Variants in CACNG4 observed in about 807,000 individuals in gnomAD.
CACNG4 encodes the protein calcium voltage-gated channel auxiliary subunit gamma 4, also known as voltage-dependent calcium channel gamma-4 subunit.
In CACNG4, 8 loss-of-function variants were observed where a neutral mutation model predicts 22.9. The ratio of observed to expected loss-of-function variants is 0.35; its 90% CI spans 0.21 to 0.63. The LOEUF (loss-of-function observed/expected upper bound fraction) is 0.63, where lower values mean the gene tolerates loss of function less well. Among genes scored for constraint, CACNG4 ranks in the 30% least tolerant of loss-of-function variants. CACNG4 has a pLI of 0.72. For missense variants in CACNG4, 357 were observed against 455.4 expected, an observed-to-expected ratio of 0.78 and a Z score of 1.97; for synonymous variants, 188 against 191.9, an observed-to-expected ratio of 0.98 and a Z score of 0.17.
intron 1 of CACNG4, among the ~76,000 whole-genome samples, chr17:66,971,024 C>T (rs1004952784): frequency 6.6e-6 from 1 of 152,132 alleles, no homozygotes; most frequent in Admixed American, 6.5e-5. Context: ...GTGTCAGAGG[C>T]GAGGAAGCCA....
intron 1 of CACNG4, among the ~76,000 whole-genome samples, chr17:66,988,103 G>T (rs1243047659): frequency 6.6e-6 from 1 of 151,640 alleles, no homozygotes; most frequent in East Asian, 2.0e-4. Flanking sequence ...ACACAGTGTG[G>T]TCACAGAGCT....
In CACNG4 at chr17:67,030,884, C is replaced by T. The variant is rs751870930; in HGVS notation, c.864C>T (p.Thr288=). 8 of 1,612,614 alleles carry T rather than the reference C, an allele frequency of 5.0e-6. No individual in the cohort carries two copies. The highest frequency in any genetic ancestry group is 1.3e-5 in the African/African-American group (1 of 74,932). Reference sequence around the variant, plus strand: ...CCAGGGAGCCCCTCAAGGTGACCACCGCAGCCAGCTACAGCCCCGACCAGG... The same window carrying T: ...CCAGGGAGCCCCTCAAGGTGACCACTGCAGCCAGCTACAGCCCCGACCAGG... ...TLSREPLKVT[T]AASYSPDQEA... is the part of the protein sequence containing the mutation. The change falls in exon 4 of 4, where the codon ACC becomes ACT. Residue 288 remains threonine, a synonymous_variant. Transcript: ENST00000262138. This position sits in a 1 kb window ranked among gnomAD's most constrained non-coding sequence, Gnocchi z 6.4.
intron 1 of CACNG4, among the ~76,000 whole-genome samples, chr17:66,976,428 C>T (rs1040091483): frequency 2.0e-5 from 3 of 150,290 alleles, no homozygotes; most frequent in Admixed American, 6.6e-5. Context: ...CACCTCCATC[C>T]CTCTCTCTAA....
At chr17:67,003,304 A>G (rs1005810504) in intron 1 of CACNG4, among the ~76,000 whole-genome samples, 6 of 151,786 alleles carry the variant, frequency 4.0e-5, no homozygotes, top group African/African-American at 1.5e-4. Context: ...CATACAGCTA[A>G]TAGGTGGTAA....
chr17:66,998,010 G>A (rs2143320175), intron 1 of CACNG4, among the ~76,000 whole-genome samples: 1 of 152,272 alleles, frequency 6.6e-6, no homozygotes, highest in South Asian at 2.1e-4. Context: ...AAAGGCCACA[G>A]GAACCAGGAA....
chr17:66,970,745 A>G (rs1018437803), intron 1 of CACNG4, among the ~76,000 whole-genome samples: 2 of 152,240 alleles, frequency 1.3e-5, no homozygotes, highest in African/African-American at 4.8e-5. Context: ...GTTTACACAG[A>G]GGATTATGTC....
intron 1 of CACNG4, among the ~76,000 whole-genome samples, chr17:66,982,670 C>A: frequency 6.6e-6 from 1 of 152,228 alleles, no homozygotes; most frequent in South Asian, 2.1e-4. Flanking sequence ...AATCCTCCCA[C>A]CTCAGCCTCT....
At chr17:66,982,150 G>A (rs1229408991) in intron 1 of CACNG4, among the ~76,000 whole-genome samples, 2 of 152,222 alleles carry the variant, frequency 1.3e-5, no homozygotes, top group African/African-American at 4.8e-5. Flanking sequence ...TGTGAAGAGT[G>A]AAAGAACAAG....
Position 67,018,198 on chromosome 17 carries a change from A to G in CACNG4, c.230A>G (p.Lys77Arg), listed in dbSNP as rs1390279729. 2 of 1,613,498 alleles carry G rather than the reference A, an allele frequency of 1.2e-6. No homozygotes were observed. The highest frequency in any genetic ancestry group is 1.3e-5 in the African/African-American group (1 of 74,880). The change falls in exon 2 of 4, where the codon AAA (lysine) becomes AGA (arginine). Residue 77 changes from lysine to arginine, a missense_variant. Coordinates refer to ENST00000262138, the MANE Select transcript of CACNG4 (RefSeq NM_014405.4). ...CTCTCGTTCCTTCCAGGGATCTATA[A>G]AGGGCACTGCTTCCGGATCAATCAC... ...WRVCCIEGIY[K>R]GHCFRINHFP... is the part of the protein sequence containing the mutation.
intron 1 of CACNG4, among the ~76,000 whole-genome samples, chr17:66,979,942 G>A (rs923216528): frequency 6.6e-6 from 1 of 152,016 alleles, no homozygotes; most frequent in Non-Finnish European, 1.5e-5. Flanking sequence ...TTTTAGTAGA[G>A]ATGGGGTTTC....
intron 2 of CACNG4, 39 bp from the exon 3 acceptor site, chr17:67,024,821 C>G: frequency 6.8e-7 from 1 of 1,480,084 alleles, no homozygotes. Flanking sequence ...CACCTGATCT[C>G]ACTGCCCTCT....
intron 2 of CACNG4, 65 bp from the exon 3 acceptor site, chr17:67,024,795 G>T: frequency 7.0e-7 from 1 of 1,421,680 alleles, no homozygotes; most frequent in East Asian, 2.7e-5. Flanking sequence ...GACATACGCA[G>T]CCATGCCCGG....
chr17:67,017,817 G>C (rs1210841114), intron 1 of CACNG4, among the ~76,000 whole-genome samples: 2 of 152,046 alleles, frequency 1.3e-5, no homozygotes, highest in African/African-American at 4.8e-5. Context: ...TGCCCAGCCT[G>C]TTTTTTATTT....
At chr17:67,029,356 G>A (rs575074640) in intron 3 of CACNG4, among the ~76,000 whole-genome samples, 20 of 151,516 alleles carry the variant, frequency 1.3e-4, no homozygotes, top group African/African-American at 4.9e-4. Context: ...ACGAGGCCGG[G>A]TGTGGTGGCT....
chr17:66,980,983 AAAT>A (rs934799483), intron 1 of CACNG4, among the ~76,000 whole-genome samples: 1 of 152,232 alleles, frequency 6.6e-6, no homozygotes, highest in Non-Finnish European at 1.5e-5. Context: ...AAGAAAAAGT[AAAT>A]AAAAAGAAAA....
chr17:66,965,688 G>A (rs2035165552), intron 1 of CACNG4, among the ~76,000 whole-genome samples: 1 of 150,684 alleles, frequency 6.6e-6, no homozygotes, highest in Admixed American at 6.6e-5. Context: ...ACAGGCTCGG[G>A]CTGAGGGGTG....
chr17:67,006,485 T>C (rs1479559093), intron 1 of CACNG4, among the ~76,000 whole-genome samples: 4 of 151,944 alleles, frequency 2.6e-5, no homozygotes, highest in African/African-American at 9.7e-5. Flanking sequence ...CAAGGTCCCT[T>C]CCAGAAGCTC....
At position 67,018,177 on chromosome 17, in the gene CACNG4, C is replaced by G. The variant is rs376140158; in HGVS notation, c.221-12C>G. Reference sequence around the variant, plus strand: ...AGCATTTACAGTGTTCTTTTCCTCTCGTTCCTTCCAGGGATCTATAAAGGG... The same window carrying G: ...AGCATTTACAGTGTTCTTTTCCTCTGGTTCCTTCCAGGGATCTATAAAGGG... On this transcript the variant is annotated splice_polypyrimidine_tract_variant and intron_variant, in intron 1 of 3. Coordinates refer to ENST00000262138, the MANE Select transcript of CACNG4 (RefSeq NM_014405.4). 4.4e-5 allele frequency: 71 copies of G among 1,605,944 alleles called. No homozygotes were observed. The highest frequency in any genetic ancestry group is 5.9e-5 in the Non-Finnish European group (69 of 1,172,656).
chr17:67,016,034 A>T (rs997836568), intron 1 of CACNG4, among the ~76,000 whole-genome samples: 2 of 151,996 alleles, frequency 1.3e-5, no homozygotes, highest in Middle Eastern at 6.8e-3. Flanking sequence ...TTGCTCACAA[A>T]CCCTCATGGT....
Sources: gnomAD v4.1 joint callset for allele counts (sites outside exome capture counted in the v4.1 genomes callset) on GRCh38, gnomAD v4.1.1 for gene constraint, Gnocchi (gnomAD v3.1) non-coding constraint, MANE v1.5 for transcripts, NCBI Gene and HGNC (gene_info 2026-07-23, HGNC 2026-07-21) for gene names.